CTNNA3: variants seen among roughly 807,000 people sequenced by gnomAD.
CTNNA3 encodes catenin alpha 3.
CTNNA3 carries 76 observed loss-of-function variants against 95.7 expected under a neutral mutation model. That is an observed-to-expected ratio of 0.79 (90% confidence interval 0.66 to 0.96). The LOEUF is 0.96. CTNNA3 is among the 40% of genes least tolerant of loss of function. The pLI is 0.00. For missense variants in CTNNA3, 1,191 were observed against 1,089.8 expected (o/e 1.09, Z -1.31); for synonymous variants, 431 against 374.4 (o/e 1.15, Z -1.74).
chr10:66,702,138 T>TAA (rs143358471), intron 9 of CTNNA3, among the ~76,000 whole-genome samples: 1 of 146,988 alleles, frequency 6.8e-6, no homozygotes, highest in African/African-American at 2.5e-5. Context: ...ATTTACACAG[T>TAA]AAAAAAAAAA....
chr10:66,010,259 T>C (rs1256687502), intron 15 of CTNNA3, among the ~76,000 whole-genome samples: 2 of 152,150 alleles, frequency 1.3e-5, no homozygotes, highest in Non-Finnish European at 2.9e-5. Context: ...TCAATGACCA[T>C]AAGGACATAT....
At chr10:65,982,922 T>C (rs1564557265) in intron 16 of CTNNA3, among the ~76,000 whole-genome samples, 1 of 151,534 alleles carries the variant, frequency 6.6e-6, no homozygotes, top group Non-Finnish European at 1.5e-5. Flanking sequence ...GTAGTATAGT[T>C]TCATTGAAAT....
chr10:66,237,656 C>T (rs948781115), intron 13 of CTNNA3, among the ~76,000 whole-genome samples: 9 of 151,704 alleles, frequency 5.9e-5, no homozygotes, highest in Admixed American at 4.0e-4. Flanking sequence ...TTTAGGGCTA[C>T]GTAAGACTGA....
At chr10:67,007,945 A>G (rs1389092969) in intron 7 of CTNNA3, among the ~76,000 whole-genome samples, 3 of 152,060 alleles carry the variant, frequency 2.0e-5, no homozygotes, top group African/African-American at 7.2e-5. Flanking sequence ...GTTTTGTTAA[A>G]ATGGACTCAA....
rs75283739 is a variant in CTNNA3 at position 66,183,866 on chromosome 10, T to C, written c.1885-80617A>G. Among the ~76,000 whole-genome samples the C allele has an allele frequency of 6.3e-4, 96 of 152,320 alleles. 1 individual carries two copies. The East Asian group carries it at 0.014, about 23-fold the overall frequency. On this transcript the variant is annotated intron_variant, in intron 13 of 17. Coordinates refer to ENST00000433211, the MANE Select transcript of CTNNA3 (RefSeq NM_013266.4). ...TCTATGAAAAGCCTATTCAATTTTT[T>C]GGCTTTTTCCAATCCTCCTCTCAGT...
chr10:67,557,605 A>G (rs1841305157), intron 3 of CTNNA3, among the ~76,000 whole-genome samples: 1 of 152,208 alleles, frequency 6.6e-6, no homozygotes, highest in African/African-American at 2.4e-5. Flanking sequence ...TATACTCCTG[A>G]GAGACAAATC....
At chr10:67,329,124 C>T (rs575257260) in intron 5 of CTNNA3, among the ~76,000 whole-genome samples, 2 of 152,250 alleles carry the variant, frequency 1.3e-5, no homozygotes. Flanking sequence ...ATAATCCTAG[C>T]ATTTTGGGAG....
At chr10:66,309,558 C>T (rs1050803070) in intron 12 of CTNNA3, among the ~76,000 whole-genome samples, 2 of 151,520 alleles carry the variant, frequency 1.3e-5, no homozygotes, top group East Asian at 2.0e-4. Flanking sequence ...GGCATGGTGG[C>T]GGGCACCTGT....
rs375103900 is a variant in CTNNA3 at position 66,357,852 on chromosome 10, A to G, written c.1732+21300T>C. ...GTGTCAGATAGTAACACATACGTATATTGTTTAAAAACAGTCTGACCATTT... is the reference window on the plus strand; with the variant it reads ...GTGTCAGATAGTAACACATACGTATGTTGTTTAAAAACAGTCTGACCATTT... On this transcript the variant is annotated intron_variant, in intron 12 of 17. Transcript: ENST00000433211. Among the ~76,000 whole-genome samples the G allele has an allele frequency of 1.6e-4, 25 of 152,246 alleles. No individual in the cohort carries two copies. The East Asian group carries it at 4.4e-3, about 27-fold the overall frequency.
chr10:66,829,350 C>G (rs1842628756), intron 7 of CTNNA3, among the ~76,000 whole-genome samples: 1 of 152,210 alleles, frequency 6.6e-6, no homozygotes, highest in African/African-American at 2.4e-5. Flanking sequence ...GTGGCTCATA[C>G]CTGTAATGCC....
chr10:67,349,522 T>C (rs1842555464), intron 5 of CTNNA3, among the ~76,000 whole-genome samples: 1 of 152,026 alleles, frequency 6.6e-6, no homozygotes, highest in African/African-American at 2.4e-5. Context: ...ACTCAAAGAA[T>C]GGAATGGTGA....
At chr10:65,923,706 G>T (rs1435599702) in intron 17 of CTNNA3, among the ~76,000 whole-genome samples, 4 of 152,192 alleles carry the variant, frequency 2.6e-5, no homozygotes, top group African/African-American at 9.7e-5. Flanking sequence ...AATTGGCACA[G>T]TAGATTTGTC....
chr10:67,234,730 T>G (rs1865375360), intron 5 of CTNNA3, among the ~76,000 whole-genome samples: 1 of 152,112 alleles, frequency 6.6e-6, no homozygotes, highest in Admixed American at 6.5e-5. Context: ...ATTGTCCCTG[T>G]TTGCAGATGA....
intron 7 of CTNNA3, among the ~76,000 whole-genome samples, chr10:66,832,029 C>T (rs1166304076): frequency 6.6e-6 from 1 of 152,130 alleles, no homozygotes; most frequent in African/African-American, 2.4e-5. Flanking sequence ...AAACACTGAA[C>T]AAAATACCTA....
At chr10:66,355,115 C>T (rs2092598844) in intron 12 of CTNNA3, among the ~76,000 whole-genome samples, 2 of 152,034 alleles carry the variant, frequency 1.3e-5, no homozygotes, top group South Asian at 4.2e-4. Context: ...AGAGTCATGA[C>T]AAAGTGAGTT....
At chr10:67,337,279 T>G (rs1337222229) in intron 5 of CTNNA3, among the ~76,000 whole-genome samples, 4 of 152,154 alleles carry the variant, frequency 2.6e-5, no homozygotes, top group African/African-American at 9.7e-5. Flanking sequence ...GCTTCAAGAC[T>G]TCAATGGCAG....
At chr10:66,891,183 G>A (rs1845255323) in intron 7 of CTNNA3, among the ~76,000 whole-genome samples, 1 of 152,062 alleles carries the variant, frequency 6.6e-6, no homozygotes, top group Non-Finnish European at 1.5e-5. Context: ...GTGCATCAAA[G>A]ATGTTAATAT....
chr10:66,798,967 G>T (rs1841322117), intron 7 of CTNNA3, among the ~76,000 whole-genome samples: 1 of 151,600 alleles, frequency 6.6e-6, no homozygotes, highest in African/African-American at 2.4e-5. Context: ...TAATATATAT[G>T]TACTGTTTCT....
At chr10:66,345,985 G>A (rs1052790485) in intron 12 of CTNNA3, among the ~76,000 whole-genome samples, 7 of 149,200 alleles carry the variant, frequency 4.7e-5, no homozygotes, top group African/African-American at 1.7e-4. Context: ...GCCGAGACAG[G>A]AGAATTGCTT....
Sources: allele counts gnomAD v4.1 joint callset (sites outside exome capture counted in the v4.1 genomes callset), GRCh38; gene constraint gnomAD v4.1.1; transcripts MANE v1.5; gene names NCBI Gene and HGNC (gene_info 2026-07-23, HGNC 2026-07-21).